Variants in ZBTB20 observed in about 807,000 individuals in gnomAD.
ZBTB20 encodes zinc finger and BTB domain containing 20, also known as zinc finger and BTB domain-containing protein 20.
A neutral mutation model predicts 56.9 loss-of-function variants in ZBTB20; 9 were observed. The observed-to-expected ratio is 0.16, with a 90% CI of 0.10 to 0.28. The LOEUF is 0.28. Among genes scored for constraint, ZBTB20 ranks in the 10% least tolerant of loss-of-function variants. The pLI, the probability that ZBTB20 is intolerant of heterozygous loss-of-function variation, is 1.00. For synonymous variants in ZBTB20, 417 were observed against 420.7 expected (o/e 0.99, Z 0.11); for missense variants, 655 against 1,003.0 (o/e 0.65, Z 4.69).
chr3:115,124,745 G>C lies in ZBTB20; in HGVS notation c.-703+22474C>G, dbSNP rs1472847718. On this transcript the variant is annotated intron_variant, in intron 1 of 11. Transcript: ENST00000675478. Reference sequence around the variant, plus strand: ...ACGGCAAATCACTGAGGAAACACAAGAACATACAGTAAACATAACTGGAAA... The same window carrying C: ...ACGGCAAATCACTGAGGAAACACAACAACATACAGTAAACATAACTGGAAA... 2.6e-5 allele frequency among the ~76,000 whole-genome samples: 4 copies of C among 151,914 alleles called. No homozygotes were observed. In the South Asian group the frequency reaches 8.3e-4, roughly 32 times the overall value.
At chr3:114,438,943 C>T (rs1299294534) in intron 7 of ZBTB20, among the ~76,000 whole-genome samples, 1 of 152,036 alleles carries the variant, frequency 6.6e-6, no homozygotes, top group Non-Finnish European at 1.5e-5. Context: ...AATGGAAAAG[C>T]ACATACCACA....
chr3:114,585,103 A>G (rs2055044205), intron 6 of ZBTB20, among the ~76,000 whole-genome samples: 1 of 152,006 alleles, frequency 6.6e-6, no homozygotes, highest in African/African-American at 2.4e-5. Context: ...CACTCGAGGA[A>G]CCCCAAGTGT....
At chr3:114,601,189 C>T (rs1181304305) in intron 6 of ZBTB20, among the ~76,000 whole-genome samples, 1 of 151,966 alleles carries the variant, frequency 6.6e-6, no homozygotes, top group East Asian at 1.9e-4. Flanking sequence ...CAACAGGTAT[C>T]AAGTGAGAGA....
At chr3:115,060,860 T>A (rs2108475401) in intron 2 of ZBTB20, among the ~76,000 whole-genome samples, 1 of 152,272 alleles carries the variant, frequency 6.6e-6, no homozygotes, top group Middle Eastern at 3.4e-3. Context: ...CTTGGTAAAA[T>A]AACACCTTGG....
At chr3:114,680,118 C>T (rs888435273) in intron 6 of ZBTB20, among the ~76,000 whole-genome samples, 1 of 152,226 alleles carries the variant, frequency 6.6e-6, no homozygotes, top group Non-Finnish European at 1.5e-5. Flanking sequence ...GGGAACATTA[C>T]ACACCAGGGC....
At chr3:115,102,833 T>C (rs1179457465) in intron 1 of ZBTB20, 1 of 151,928 alleles carries the variant, frequency 6.6e-6, no homozygotes, top group Non-Finnish European at 1.5e-5. Flanking sequence ...GGGGTGGTGG[T>C]GCATGCCTCT....
chr3:114,550,167 T>C (rs1455732623), intron 6 of ZBTB20, among the ~76,000 whole-genome samples: 1 of 152,170 alleles, frequency 6.6e-6, no homozygotes, highest in Non-Finnish European at 1.5e-5. Flanking sequence ...CTCAATCTCC[T>C]GATCTTGCGA....
At chr3:115,029,398 T>G (rs557297885) in intron 2 of ZBTB20, among the ~76,000 whole-genome samples, 3 of 150,730 alleles carry the variant, frequency 2.0e-5, no homozygotes, top group African/African-American at 7.2e-5. Context: ...TTATAAAAAA[T>G]TGGTTAAGAA....
chr3:114,348,147 C>T (rs1185032802), intron 11 of ZBTB20, among the ~76,000 whole-genome samples: 1 of 152,112 alleles, frequency 6.6e-6, no homozygotes, highest in Non-Finnish European at 1.5e-5. Context: ...TGTGATCTAA[C>T]AGAATGTGTG....
At chr3:114,461,942 G>C (rs1030577168) in intron 7 of ZBTB20, among the ~76,000 whole-genome samples, 1 of 152,160 alleles carries the variant, frequency 6.6e-6, no homozygotes, top group East Asian at 1.9e-4. Flanking sequence ...TGCTAATCTA[G>C]GTGTCATGGT....
chr3:114,480,177 T>C (rs2041363485), intron 7 of ZBTB20, among the ~76,000 whole-genome samples: 1 of 152,212 alleles, frequency 6.6e-6, no homozygotes, highest in African/African-American at 2.4e-5. Context: ...CCTTTCATGC[T>C]GAGATTTCTC....
chr3:114,370,687 T>C (rs1417008861), intron 10 of ZBTB20, among the ~76,000 whole-genome samples: 6 of 152,344 alleles, frequency 3.9e-5, no homozygotes, highest in African/African-American at 1.2e-4. Flanking sequence ...TGGCTTATAG[T>C]GCTCTTGGCC....
intron 5 of ZBTB20, among the ~76,000 whole-genome samples, chr3:114,711,918 G>A (rs552415244): frequency 2.0e-5 from 3 of 152,244 alleles, no homozygotes; most frequent in Admixed American, 2.0e-4. Context: ...ATTCATTCTT[G>A]CAATTTTCCT....
intron 2 of ZBTB20, among the ~76,000 whole-genome samples, chr3:115,069,936 T>G (rs2082347396): frequency 6.6e-6 from 1 of 152,118 alleles, no homozygotes; most frequent in Non-Finnish European, 1.5e-5. Context: ...AGAAACTGAA[T>G]AAATTGATTT....
At chr3:114,381,117 T>C (rs2084284298) in intron 8 of ZBTB20, among the ~76,000 whole-genome samples, 177 bp from the exon 9 acceptor site, 1 of 152,148 alleles carries the variant, frequency 6.6e-6, no homozygotes, top group Non-Finnish European at 1.5e-5. Flanking sequence ...GGGGTAGTGA[T>C]GGGAGGTTTC....
intron 6 of ZBTB20, among the ~76,000 whole-genome samples, chr3:114,506,070 T>C (rs1341001216): frequency 6.6e-6 from 1 of 152,114 alleles, no homozygotes; most frequent in African/African-American, 2.4e-5. Context: ...AGATTCTTGA[T>C]GTATTTTCAT....
intron 3 of ZBTB20, among the ~76,000 whole-genome samples, chr3:114,911,896 G>A (rs185987111): frequency 9.2e-5 from 14 of 151,918 alleles, no homozygotes; most frequent in Admixed American, 1.3e-4. Flanking sequence ...GGAGGCATAT[G>A]GACATTCAGA....
chr3:114,351,554 G>A lies in ZBTB20; in HGVS notation c.524C>T (p.Thr175Met). The A allele has an allele frequency of 6.2e-7, 1 of 1,614,040 alleles. No homozygotes were observed. The highest frequency in any genetic ancestry group is 8.5e-7 in the Non-Finnish European group (1 of 1,180,014). The change falls in exon 11 of 12, where the codon ACG becomes ATG. Residue 175 changes from threonine (T) to methionine (M), a missense_variant. This residue lies in a region of ZBTB20 where 167 missense variants were observed against 281.9 expected (regional missense o/e 0.59). Transcript: ENST00000675478. Reference protein sequence around the residue: ...VSQSEALQILTAASILQIKTV... With the variant: ...VSQSEALQILMAASILQIKTV... ...TTTGATCTGCAGGATGCTGGCGGCCGTGAGGATCTGCAGAGCTTCCGACTG... is the reference window on the plus strand; with the variant it reads ...TTTGATCTGCAGGATGCTGGCGGCCATGAGGATCTGCAGAGCTTCCGACTG...
At chr3:115,063,682 CAA>C (rs1439305343) in intron 2 of ZBTB20, among the ~76,000 whole-genome samples, 13 of 141,678 alleles carry the variant, frequency 9.2e-5, no homozygotes, top group Admixed American at 3.5e-4. Flanking sequence ...CACACACACA[CAA>C]ACACACACAC....
Sources: gnomAD v4.1 joint callset for allele counts (sites outside exome capture counted in the v4.1 genomes callset) on GRCh38, gnomAD v4.1.1 for gene constraint, gnomAD v4.1.1 regional missense constraint, MANE v1.5 for transcripts, NCBI Gene and HGNC (gene_info 2026-07-23, HGNC 2026-07-21) for gene names.